Variants in OTUD7A observed in about 807,000 individuals in gnomAD.
OTUD7A encodes OTU deubiquitinase 7A.
OTUD7A carries 12 observed loss-of-function variants against 65.7 expected under a neutral mutation model. That is an observed-to-expected ratio of 0.18 (90% CI 0.12 to 0.30). OTUD7A has a LOEUF of 0.30. Ranked by LOEUF, OTUD7A falls within the 10% of genes least tolerant of loss-of-function variation. OTUD7A has a pLI of 1.00. For missense variants in OTUD7A, 1,148 were observed against 1,304.8 expected (o/e 0.88, Z 1.85); for synonymous variants, 641 against 586.3 (o/e 1.09, Z -1.35).
chr15:31,693,053 G>A (rs1160067023), intron 1 of OTUD7A, among the ~76,000 whole-genome samples: 1 of 152,036 alleles, frequency 6.6e-6, no homozygotes, highest in Non-Finnish European at 1.5e-5. Context: ...GTGATCACTC[G>A]GTCTGTCTCT....
At chr15:31,647,957 T>G (rs1891725802) in intron 3 of OTUD7A, among the ~76,000 whole-genome samples, 1 of 151,316 alleles carries the variant, frequency 6.6e-6, no homozygotes, top group South Asian at 2.1e-4. Flanking sequence ...AAAGGGATGG[T>G]GAAGAGATGC....
chr15:31,716,672 G>A (rs1893595286), intron 1 of OTUD7A, among the ~76,000 whole-genome samples: 1 of 138,770 alleles, frequency 7.2e-6, no homozygotes, highest in Admixed American at 7.4e-5. Flanking sequence ...ATGCTGCATG[G>A]AACCTGGCCT....
intron 1 of OTUD7A, among the ~76,000 whole-genome samples, chr15:31,843,345 A>C (rs1286825891): frequency 2.6e-5 from 4 of 151,942 alleles, no homozygotes; most frequent in Non-Finnish European, 4.4e-5. Context: ...AAAAAAAAAA[A>C]AAAACCCCAA....
At chr15:31,808,989 G>T (rs998398644) in intron 1 of OTUD7A, among the ~76,000 whole-genome samples, 7 of 152,188 alleles carry the variant, frequency 4.6e-5, no homozygotes, top group African/African-American at 1.4e-4. Context: ...AGTGGAGACT[G>T]AAAAGCAAAA....
In OTUD7A at chr15:31,484,466, C is replaced by A. The variant is rs1466592678; in HGVS notation, c.1630G>T (p.Gly544Cys). The A allele has an allele frequency of 1.2e-6, 2 of 1,605,654 alleles. No homozygotes were observed. Among genetic ancestry groups the A allele is most frequent in the Non-Finnish European group, 1.7e-6 (2 of 1,179,944 alleles). ...CGGCCCATCTTGCCGTGCACCAGGC[C>A]GCCGAGGCCGCCCATGTTTTTCTTC... ...KLKKNMGGLG[G>C]LVHGKMGRAN... The change falls in exon 13 of 13, where the codon GGC becomes TGC. Residue 544 changes from glycine to cysteine, a missense_variant. Gly to Cys is a radical substitution (Grantham distance 159). Coordinates refer to ENST00000307050, the MANE Select transcript of OTUD7A (RefSeq NM_001382637.1). This position sits in a 1 kb window ranked among gnomAD's most constrained non-coding sequence, Gnocchi z 4.5.
intron 1 of OTUD7A, among the ~76,000 whole-genome samples, chr15:31,838,210 T>C (rs898424846): frequency 6.6e-6 from 1 of 152,250 alleles, no homozygotes. Flanking sequence ...TAGCACTACA[T>C]GAAAAGGTCT....
chr15:31,612,091 A>C (rs1487970645), intron 3 of OTUD7A, among the ~76,000 whole-genome samples: 7 of 152,240 alleles, frequency 4.6e-5, no homozygotes, highest in Admixed American at 6.5e-5. Flanking sequence ...CATTTGACAA[A>C]TCCAGCATCC....
At chr15:31,591,619 G>A (rs536288341) in intron 3 of OTUD7A, among the ~76,000 whole-genome samples, 20 of 152,272 alleles carry the variant, frequency 1.3e-4, no homozygotes, top group African/African-American at 4.8e-4. Context: ...ACTGCAGGTC[G>A]TGAGACTTCT....
intron 8 of OTUD7A, among the ~76,000 whole-genome samples, chr15:31,516,030 G>A (rs1426744129): frequency 6.6e-6 from 1 of 152,148 alleles, no homozygotes; most frequent in Non-Finnish European, 1.5e-5. Context: ...ATCTGCCCAA[G>A]CACCTACTTG....
intron 1 of OTUD7A, among the ~76,000 whole-genome samples, chr15:31,680,172 G>A (rs2141304786): frequency 6.6e-6 from 1 of 152,312 alleles, no homozygotes; most frequent in Middle Eastern, 3.4e-3. Flanking sequence ...TTTTAACATT[G>A]CTAGTAGGAG....
intron 5 of OTUD7A, among the ~76,000 whole-genome samples, chr15:31,548,106 C>T (rs1888192176): frequency 6.6e-6 from 1 of 152,156 alleles, no homozygotes; most frequent in Non-Finnish European, 1.5e-5. Context: ...ATTTGATTTT[C>T]TTCCTGACAG....
intron 1 of OTUD7A, among the ~76,000 whole-genome samples, chr15:31,808,135 ACAAAC>A (rs1567034271): frequency 3.2e-4 from 37 of 115,936 alleles, no homozygotes; most frequent in African/African-American, 3.8e-4. Flanking sequence ...ACACACACAC[ACAAAC>A]AAATCCTCAC....
chr15:31,761,822 G>A (rs1432664827), intron 1 of OTUD7A, among the ~76,000 whole-genome samples: 1 of 152,130 alleles, frequency 6.6e-6, no homozygotes, highest in Non-Finnish European at 1.5e-5. Flanking sequence ...ATATCAATCA[G>A]CAATGAAAAG....
intron 1 of OTUD7A, among the ~76,000 whole-genome samples, chr15:31,668,524 A>G (rs1270984884): frequency 1.3e-5 from 2 of 152,084 alleles, no homozygotes; most frequent in African/African-American, 4.8e-5. Flanking sequence ...TAAGCTCTCT[A>G]TTTCCTTGAA....
In OTUD7A at chr15:31,478,590, G is replaced by A. The variant is rs189194148; in HGVS notation, c.*4704C>T. On this transcript the variant is annotated 3_prime_UTR_variant, in exon 13 of 13. Coordinates refer to ENST00000307050, the MANE Select transcript of OTUD7A (RefSeq NM_001382637.1). ...CTACGTGTGTCTTCGGCTCAGCCTG[G>A]TGGGGCCAAGTTCTTCATACTGCAC... 6.6e-6 allele frequency: 1 copy of A among 152,344 alleles called. No individual in the cohort carries two copies. Among genetic ancestry groups the A allele is most frequent in the African/African-American group, 2.4e-5 (1 of 41,572 alleles). 9.4% of individuals were successfully genotyped at this position (152,344 alleles called of 1,614,324 possible).
At chr15:31,777,181 G>A (rs1895405400) in intron 1 of OTUD7A, among the ~76,000 whole-genome samples, 1 of 152,134 alleles carries the variant, frequency 6.6e-6, no homozygotes, top group Non-Finnish European at 1.5e-5. Flanking sequence ...CATACACGGT[G>A]ACTTCTCCCT....
In OTUD7A at chr15:31,484,020, G is replaced by GGCGGCA. The variant is rs978027045; in HGVS notation, c.2075_2076insTGCCGC (p.Ala695_Ala696dup). The GGCGGCA allele has an allele frequency of 2.9e-5, 36 of 1,221,588 alleles. No homozygotes were observed. The highest frequency in any genetic ancestry group is 2.4e-4 in the Middle Eastern group (1 of 4,114). 75.7% of individuals were successfully genotyped at this position (1,221,588 alleles called of 1,614,324 possible). A position where few individuals can be genotyped will look rare whatever the true frequency, so the allele number is the denominator to read the frequency against. On this transcript the variant is annotated inframe_insertion, in exon 13 of 13. Transcript: ENST00000307050. The surrounding 1 kb of genome is among the most constrained non-coding windows in gnomAD (Gnocchi z 4.5). ...GCCGCTTGGCCGTGGCGGCGGCGGC[G>GGCGGCA]GCGGCGGCAGCGGCGGCCGCAGTAG...
At position 31,793,270 on chromosome 15, in the gene OTUD7A, CTGGTAG is replaced by C. The variant is rs1213011015; in HGVS notation, c.-100+77231_-100+77236del. ...TCCTACCCTCTGGGCTGATTCTGGC[CTGGTAG>C]TAACTGATGCCCTCCTGGGTTATCT... On this transcript the variant is annotated intron_variant, in intron 1 of 12. Coordinates refer to ENST00000307050, the MANE Select transcript of OTUD7A (RefSeq NM_001382637.1). 2.0e-5 allele frequency among the ~76,000 whole-genome samples: 3 copies of C among 152,152 alleles called. No homozygotes were observed. The East Asian group carries it at 5.8e-4, about 29-fold the overall frequency.
chr15:31,830,724 G>A (rs927154171), intron 1 of OTUD7A, among the ~76,000 whole-genome samples: 2 of 152,224 alleles, frequency 1.3e-5, no homozygotes. Flanking sequence ...CCAGTATGAA[G>A]AGACACATTT....
Sources: allele counts gnomAD v4.1 joint callset (sites outside exome capture counted in the v4.1 genomes callset), GRCh38; gene constraint gnomAD v4.1.1; non-coding constraint Gnocchi (gnomAD v3.1); transcripts MANE v1.5; gene names NCBI Gene and HGNC (gene_info 2026-07-23, HGNC 2026-07-21).